The following SH3BP5 variants were observed in gnomAD, a reference collection of about 807,000 sequenced individuals.
SH3BP5 encodes the protein SH3 domain-binding protein 5.
SH3BP5 carries 22 observed loss-of-function variants against 43.3 expected under a neutral mutation model. That is an observed-to-expected ratio of 0.51 (90% CI 0.36 to 0.73). SH3BP5 has a LOEUF of 0.73. Among genes scored for constraint, SH3BP5 ranks in the 30% least tolerant of loss-of-function variants. The pLI, the probability that SH3BP5 is intolerant of heterozygous loss-of-function variation, is 0.00. For missense variants in SH3BP5, 529 were observed against 586.9 expected (o/e 0.90, Z 1.02); for synonymous variants, 255 against 225.8 (o/e 1.13, Z -1.16).
chr3:15,264,255 G>A (rs1335525320), intron 4 of SH3BP5: 1 of 150,608 alleles, frequency 6.6e-6, no homozygotes, highest in African/African-American at 2.5e-5. Flanking sequence ...GTAAGTTGTA[G>A]AAAACTGACA....
chr3:15,277,305 G>A lies in SH3BP5; in HGVS notation c.331-7428C>T, dbSNP rs990379532. Among the ~76,000 whole-genome samples the A allele has an allele frequency of 4.2e-4, 64 of 152,208 alleles. 1 individual carries two copies. Among genetic ancestry groups the A allele is most frequent in the Admixed American group, 2.1e-3 (32 of 15,286 alleles). On this transcript the variant is annotated intron_variant, in intron 3 of 8. Transcript: ENST00000383791. ...AACTTCTATTAAACACCACTTGCCG[G>A]TGCTGCAAACTCCTGACAAAGAAGT...
In SH3BP5 at chr3:15,256,066, C is replaced by G; in HGVS notation, c.*20G>C. The G allele has an allele frequency of 2.5e-6, 4 of 1,578,056 alleles. No homozygotes were observed. The highest frequency in any genetic ancestry group is 3.5e-6 in the Non-Finnish European group (4 of 1,150,724). On this transcript the variant is annotated 3_prime_UTR_variant, in exon 9 of 9. Coordinates refer to ENST00000383791, the MANE Select transcript of SH3BP5 (RefSeq NM_004844.5). ...CATGTATAAATGTTGATATGCACAT[C>G]GGCCAGGGCCCAGGATGAATCAGCC...
intron 2 of SH3BP5, among the ~76,000 whole-genome samples, chr3:15,328,276 G>C (rs1333597685): frequency 6.6e-6 from 1 of 152,094 alleles, no homozygotes; most frequent in Non-Finnish European, 1.5e-5. Context: ...TCAGAAGTAA[G>C]GGCTAAAAAG....
intron 3 of SH3BP5, chr3:15,271,692 A>G (rs1199207053): frequency 1.3e-5 from 2 of 150,536 alleles, no homozygotes; most frequent in Non-Finnish European, 3.0e-5. Context: ...AAAAAAAAAA[A>G]TTAATTTCAC....
At chr3:15,294,331 G>GCA (rs1553616743) in intron 3 of SH3BP5, among the ~76,000 whole-genome samples, 9 of 73,278 alleles carry the variant, frequency 1.2e-4, no homozygotes, top group African/African-American at 4.9e-4. Context: ...GTGTGTGTGT[G>GCA]CGCGCGCATG....
Position 15,255,751 on chromosome 3 carries a change from TG to T in SH3BP5, c.*334del, listed in dbSNP as rs557010510. The T allele has an allele frequency of 1.7e-4, 36 of 215,252 alleles. No individual in the cohort carries two copies. In the East Asian group the frequency reaches 3.7e-3, roughly 22 times the overall value. 13.3% of individuals were successfully genotyped at this position (215,252 alleles called of 1,614,324 possible). A position where few individuals can be genotyped will look rare whatever the true frequency, so the allele number is the denominator to read the frequency against. ...GAGAAGAGAAAGAGAAGCAAGCTGT[TG>T]CCCCCACTTTGGCCTGGCTTCCCAG... On this transcript the variant is annotated 3_prime_UTR_variant, in exon 9 of 9. Coordinates refer to ENST00000383791, the MANE Select transcript of SH3BP5 (RefSeq NM_004844.5).
intron 3 of SH3BP5, chr3:15,275,748 C>T (rs9837576): frequency 0.036 from 5,444 of 152,146 alleles, 320 homozygotes; most frequent in African/African-American, 0.12. Flanking sequence ...ATGGGCTGGG[C>T]GCAGTAACAC....
intron 7 of SH3BP5, 25 bp from the exon 8 acceptor site, chr3:15,257,138 ACATGGGTTCTGT>A (rs759680622): frequency 6.2e-7 from 1 of 1,606,676 alleles, no homozygotes; most frequent in South Asian, 1.1e-5. Context: ...AACACCAGTC[ACATGGGTTCTGT>A]CACCTCCTCA....
chr3:15,335,147 C>A (rs1422557206), upstream of SH3BP5, among the ~76,000 whole-genome samples: 3 of 151,680 alleles, frequency 2.0e-5, no homozygotes, highest in African/African-American at 7.3e-5. Context: ...GTAATCCTAG[C>A]ACTTTGGGAG....
intron 3 of SH3BP5, among the ~76,000 whole-genome samples, chr3:15,288,644 G>A (rs1363338698): frequency 2.0e-5 from 3 of 152,232 alleles, no homozygotes; most frequent in Non-Finnish European, 4.4e-5. Context: ...GTAAGGTGAG[G>A]TGGGAGGACT....
intron 2 of SH3BP5, among the ~76,000 whole-genome samples, chr3:15,308,877 T>C (rs909471042): frequency 1.4e-4 from 21 of 152,270 alleles, no homozygotes; most frequent in African/African-American, 4.6e-4. Context: ...GTTACTTAAG[T>C]CTCAAGTAAT....
chr3:15,294,264 C>A (rs1197604385), intron 3 of SH3BP5, among the ~76,000 whole-genome samples: 1 of 150,858 alleles, frequency 6.6e-6, no homozygotes, highest in Non-Finnish European at 1.5e-5. Context: ...AGACTCTAAG[C>A]CCCAGTTTCT....
intron 3 of SH3BP5, among the ~76,000 whole-genome samples, chr3:15,280,236 C>G (rs1697083864): frequency 6.6e-6 from 1 of 152,166 alleles, no homozygotes. Flanking sequence ...CCTGCCCACC[C>G]TAGCCAGAAG....
At chr3:15,284,311 C>A (rs372038234) in intron 3 of SH3BP5, among the ~76,000 whole-genome samples, 2 of 152,176 alleles carry the variant, frequency 1.3e-5, no homozygotes, top group East Asian at 3.8e-4. Context: ...CTGTTCAACC[C>A]CTCCTTACTG....
chr3:15,301,810 AC>A (rs923421338), intron 3 of SH3BP5, among the ~76,000 whole-genome samples: 7 of 151,836 alleles, frequency 4.6e-5, no homozygotes, highest in Non-Finnish European at 7.4e-5. Context: ...GCCTTGAGAA[AC>A]CCCAACACAA....
intron 2 of SH3BP5, among the ~76,000 whole-genome samples, chr3:15,314,512 G>A (rs1698138387): frequency 1.3e-5 from 2 of 152,164 alleles, no homozygotes; most frequent in Admixed American, 6.5e-5. Flanking sequence ...GCAGAGTGGG[G>A]GAGCAAGGGA....
intron 2 of SH3BP5, among the ~76,000 whole-genome samples, chr3:15,306,593 G>A (rs1697914115): frequency 6.6e-6 from 1 of 152,174 alleles, no homozygotes; most frequent in Non-Finnish European, 1.5e-5. Flanking sequence ...TATGGGCCTG[G>A]AGACTCAACA....
At chr3:15,260,666 G>A (rs1012403121) in intron 5 of SH3BP5, 1 of 152,244 alleles carries the variant, frequency 6.6e-6, no homozygotes, top group African/African-American at 2.4e-5. Flanking sequence ...AAGGTGAAGA[G>A]TATGTGTGTG....
At chr3:15,323,002 G>T (rs77511673) in intron 2 of SH3BP5, among the ~76,000 whole-genome samples, 15,285 of 152,118 alleles carry the variant, frequency 0.1, 983 homozygotes, top group East Asian at 0.21. Context: ...AGCCGGGTGT[G>T]GTGGCACATG....
Sources: gnomAD v4.1 joint callset for allele counts (sites outside exome capture counted in the v4.1 genomes callset) on GRCh38, gnomAD v4.1.1 for gene constraint, MANE v1.5 for transcripts, NCBI Gene and HGNC (gene_info 2026-07-23, HGNC 2026-07-21) for gene names.